MNS1: variants seen among roughly 807,000 people sequenced by gnomAD.
The protein encoded by MNS1 is meiosis-specific nuclear structural protein 1.
MNS1 carries 63 observed loss-of-function variants against 72.0 expected under a neutral mutation model. The observed-to-expected ratio is 0.87, with a 90% confidence interval of 0.71 to 1.08. The LOEUF (loss-of-function observed/expected upper bound fraction) is 1.08, where lower values mean the gene tolerates loss of function less well. MNS1 is among the 50% of genes least tolerant of loss of function. MNS1 has a pLI of 0.00. For synonymous variants in MNS1, 188 were observed against 172.1 expected (o/e 1.09, Z -0.72); for missense variants, 604 against 562.4 (o/e 1.07, Z -0.75).
intron 9 of MNS1, 140 bp from the exon 10 acceptor site, chr15:56,429,333 A>T (rs1240080971): frequency 1.7e-6 from 1 of 592,890 alleles, no homozygotes; most frequent in African/African-American, 2.0e-5. Context: ...AACTTTAAAA[A>T]AATCAATACT....
chr15:56,443,784 C>T lies in MNS1; in HGVS notation c.757G>A (p.Ala253Thr), dbSNP rs201829626. ...TCACGTTTCTTTTTTCTCCAGAGAG[C>T]CTGCTCTTTCTGAAACTCTTCTATA... The part of the protein sequence containing the change: ...RYIEEFQKEQ[A>T]LWRKKKREEM... The change falls in exon 6 of 10, where the codon GCT becomes ACT. Residue 253 changes from alanine (A) to threonine (T), a missense_variant. Coordinates refer to ENST00000260453, the MANE Select transcript of MNS1 (RefSeq NM_018365.4). 3.6e-5 allele frequency: 58 copies of T among 1,612,742 alleles called. No individual in the cohort carries two copies. In the African/African-American group the frequency reaches 4.4e-4, roughly 12 times the overall value.
At chr15:56,442,843 AT>A (rs1159519159) in intron 7 of MNS1, among the ~76,000 whole-genome samples, 1 of 151,940 alleles carries the variant, frequency 6.6e-6, no homozygotes, top group Admixed American at 6.6e-5. Flanking sequence ...TGACCCACAA[AT>A]TTACCCCTGT....
intron 8 of MNS1, among the ~76,000 whole-genome samples, chr15:56,432,910 C>A (rs1319776903): frequency 6.6e-6 from 1 of 152,146 alleles, no homozygotes; most frequent in African/African-American, 2.4e-5. Flanking sequence ...TCTTCTCTTC[C>A]TACCGATTTT....
At chr15:56,434,785 G>C (rs1468493225) in intron 7 of MNS1, among the ~76,000 whole-genome samples, 1 of 151,950 alleles carries the variant, frequency 6.6e-6, no homozygotes, top group Non-Finnish European at 1.5e-5. Flanking sequence ...CCACCCATAA[G>C]TATTTTTCAG....
At chr15:56,431,745 GTCT>G (rs1251296384) in intron 8 of MNS1, among the ~76,000 whole-genome samples, 3 of 151,956 alleles carry the variant, frequency 2.0e-5, no homozygotes, top group African/African-American at 7.2e-5. Flanking sequence ...TCAGGAAAGT[GTCT>G]TCATTACCAA....
At chr15:56,449,497 G>A (rs936264910) in intron 3 of MNS1, among the ~76,000 whole-genome samples, 2 of 152,210 alleles carry the variant, frequency 1.3e-5, no homozygotes, top group Non-Finnish European at 2.9e-5. Flanking sequence ...ACTGGATTTC[G>A]TATTGACTAA....
At chr15:56,433,922 C>T (rs1411329175) in intron 8 of MNS1, among the ~76,000 whole-genome samples, 3 of 152,028 alleles carry the variant, frequency 2.0e-5, no homozygotes, top group Non-Finnish European at 2.9e-5. Flanking sequence ...GTTTTATTTA[C>T]CTTTTATGTT....
chr15:56,455,403 A>C (rs2050975685), intron 3 of MNS1, among the ~76,000 whole-genome samples: 1 of 152,120 alleles, frequency 6.6e-6, no homozygotes, highest in Non-Finnish European at 1.5e-5. Context: ...ATCTGATTAG[A>C]GTTGTGGAGC....
intron 3 of MNS1, among the ~76,000 whole-genome samples, chr15:56,455,247 G>GAAAAAAAAAAAAAAAAAAAAAAAA (rs56339584): frequency 1.2e-5 from 1 of 82,914 alleles, no homozygotes; most frequent in Admixed American, 1.3e-4. Context: ...ATCGTCAGGT[G>GAAAAAAAAAAAAAAAAAAAAAAAA]AAAAAAAAAA....
At chr15:56,461,805 A>G (rs1421774988) in intron 2 of MNS1, among the ~76,000 whole-genome samples, 2 of 151,928 alleles carry the variant, frequency 1.3e-5, no homozygotes, top group Non-Finnish European at 2.9e-5. Flanking sequence ...TATTTTTAAA[A>G]AGAGACAAAG....
chr15:56,459,504 T>G (rs917065561), intron 2 of MNS1, among the ~76,000 whole-genome samples: 9 of 152,206 alleles, frequency 5.9e-5, no homozygotes, highest in African/African-American at 2.2e-4. Context: ...CACCTAGATT[T>G]CTGACTTGCA....
At chr15:56,430,779 G>A (rs2050568234) in intron 9 of MNS1, among the ~76,000 whole-genome samples, 1 of 152,122 alleles carries the variant, frequency 6.6e-6, no homozygotes, top group African/African-American at 2.4e-5. Flanking sequence ...CAGTGACAAT[G>A]TTTTCATACA....
intron 9 of MNS1, chr15:56,429,654 GC>G (rs1184700688): frequency 6.6e-6 from 1 of 152,490 alleles, no homozygotes; most frequent in Non-Finnish European, 1.5e-5. Context: ...TTGGAGTTAA[GC>G]CATTTAAGCA....
At chr15:56,446,725 A>G (rs1784413293) in intron 4 of MNS1, 116 bp downstream of exon 4, 1 of 709,114 alleles carries the variant, frequency 1.4e-6, no homozygotes. Flanking sequence ...ATTTACAAAT[A>G]TTTAAGAAAT....
intron 3 of MNS1, among the ~76,000 whole-genome samples, chr15:56,453,259 A>C (rs1217932086): frequency 3.9e-5 from 6 of 152,182 alleles, no homozygotes; most frequent in Admixed American, 2.6e-4. Context: ...AATTTACTAT[A>C]CATGTACCTC....
In MNS1 at chr15:56,465,054, G is replaced by C. The variant is rs575348660; in HGVS notation, c.-82C>G. The C allele has an allele frequency of 9.6e-4, 1,508 of 1,563,790 alleles. 4 individuals carry two copies. Among genetic ancestry groups the C allele is most frequent in the Non-Finnish European group, 1.3e-3 (1,448 of 1,155,494 alleles). On this transcript the variant is annotated 5_prime_UTR_variant, in exon 1 of 10. Transcript: ENST00000260453. ...AAACGCAGCAGCCAGCAGCCCCAAG[G>C]AGCGCACCTGGCTGCGCGCGCTCGG...
chr15:56,463,679 G>C (rs1178886307), intron 2 of MNS1: 1 of 193,840 alleles, frequency 5.2e-6, no homozygotes, highest in Non-Finnish European at 1.0e-5. Flanking sequence ...CTATTCAGGA[G>C]GCTGAGGCAG....
At chr15:56,433,507 G>A in intron 8 of MNS1, among the ~76,000 whole-genome samples, 1 of 151,936 alleles carries the variant, frequency 6.6e-6, no homozygotes, top group Non-Finnish European at 1.5e-5. Context: ...AGATCTCACT[G>A]GTCACCAAGC....
chr15:56,458,312 G>A (rs1343602719), intron 2 of MNS1, among the ~76,000 whole-genome samples: 2 of 151,910 alleles, frequency 1.3e-5, no homozygotes, highest in Non-Finnish European at 2.9e-5. Context: ...TGAAGTTTTG[G>A]GTTCACAACA....
Sources: gnomAD v4.1 joint callset for allele counts (sites outside exome capture counted in the v4.1 genomes callset) on GRCh38, gnomAD v4.1.1 for gene constraint, MANE v1.5 for transcripts, NCBI Gene and HGNC (gene_info 2026-07-23, HGNC 2026-07-21) for gene names.